The following NOL10 variants were observed in gnomAD, a reference collection of about 807,000 sequenced individuals.
NOL10 encodes the protein nucleolar protein 10.
A neutral mutation model predicts 103.5 loss-of-function variants in NOL10; 58 were observed. The ratio of observed to expected loss-of-function variants is 0.56; its 90% CI spans 0.45 to 0.70. The LOEUF (loss-of-function observed/expected upper bound fraction) is 0.70, where lower values mean the gene tolerates loss of function less well. Among genes scored for constraint, NOL10 ranks in the 30% least tolerant of loss-of-function variants. NOL10 has a pLI of 0.00. For synonymous variants in NOL10, 287 were observed against 282.5 expected, an observed-to-expected ratio of 1.02 and a Z score of -0.16; for missense variants, 763 against 807.3, an observed-to-expected ratio of 0.95 and a Z score of 0.67.
At chr2:10,653,366 C>T (rs1050018165) in intron 12 of NOL10, among the ~76,000 whole-genome samples, 1 of 152,110 alleles carries the variant, frequency 6.6e-6, no homozygotes, top group Non-Finnish European at 1.5e-5. Flanking sequence ...AATCCTCACA[C>T]GTTAGAAAAA....
chr2:10,686,755 C>A (rs776082358), intron 1 of NOL10, among the ~76,000 whole-genome samples: 1 of 151,866 alleles, frequency 6.6e-6, no homozygotes, highest in African/African-American at 2.4e-5. Context: ...GAAACAACAA[C>A]AAAAAGCCTC....
At chr2:10,682,523 C>A (rs910465179) in intron 2 of NOL10, among the ~76,000 whole-genome samples, 2 of 151,668 alleles carry the variant, frequency 1.3e-5, no homozygotes, top group Non-Finnish European at 2.9e-5. Flanking sequence ...CCTCAGCCCC[C>A]CCAAATAGCT....
At chr2:10,596,772 T>G (rs1277346233) in intron 17 of NOL10, among the ~76,000 whole-genome samples, 1 of 151,938 alleles carries the variant, frequency 6.6e-6, no homozygotes, top group African/African-American at 2.4e-5. Context: ...AAAAGTACAT[T>G]CATCAGAGAC....
intron 6 of NOL10, among the ~76,000 whole-genome samples, chr2:10,669,400 T>A (rs1190943136): frequency 6.7e-6 from 1 of 149,626 alleles, no homozygotes; most frequent in Non-Finnish European, 1.5e-5. Flanking sequence ...GAATTTTTTC[T>A]TTTCTATATT....
chr2:10,645,274 T>C (rs1330885236), intron 12 of NOL10, among the ~76,000 whole-genome samples: 1 of 152,138 alleles, frequency 6.6e-6, no homozygotes, highest in Non-Finnish European at 1.5e-5. Context: ...TAAATAAGAA[T>C]TCATTTTAAA....
chr2:10,658,850 G>A (rs1453508074), intron 10 of NOL10, among the ~76,000 whole-genome samples: 1 of 152,184 alleles, frequency 6.6e-6, no homozygotes, highest in Non-Finnish European at 1.5e-5. Flanking sequence ...GGCCAAGGGT[G>A]GGGGGATCGC....
chr2:10,641,063 G>A (rs1678667128), intron 13 of NOL10, among the ~76,000 whole-genome samples: 1 of 151,476 alleles, frequency 6.6e-6, no homozygotes, highest in South Asian at 2.1e-4. Flanking sequence ...GCTCATGCCT[G>A]TAATCCCAGC....
chr2:10,619,347 T>A (rs1677002251), intron 13 of NOL10, among the ~76,000 whole-genome samples: 1 of 152,022 alleles, frequency 6.6e-6, no homozygotes, highest in South Asian at 2.1e-4. Context: ...AGAGACGGGG[T>A]CTCACTATGT....
chr2:10,592,263 AC>A (rs1215526800), intron 17 of NOL10, among the ~76,000 whole-genome samples: 1 of 152,230 alleles, frequency 6.6e-6, no homozygotes, highest in African/African-American at 2.4e-5. Context: ...AGAATTAAAA[AC>A]AGGGTTAGAA....
chr2:10,643,188 T>C (rs1050113952), intron 13 of NOL10, among the ~76,000 whole-genome samples: 1 of 152,218 alleles, frequency 6.6e-6, no homozygotes, highest in African/African-American at 2.4e-5. Context: ...GAAATATCTC[T>C]AAGTGCTTTC....
intron 13 of NOL10, among the ~76,000 whole-genome samples, chr2:10,614,230 G>A (rs754032829): frequency 8.5e-5 from 13 of 152,136 alleles, no homozygotes; most frequent in Middle Eastern, 3.2e-3. Flanking sequence ...AAAGTGCTGG[G>A]ATTATAGACA....
chr2:10,652,886 G>A (rs568642678), intron 12 of NOL10, among the ~76,000 whole-genome samples: 17 of 152,216 alleles, frequency 1.1e-4, no homozygotes, highest in African/African-American at 3.4e-4. Flanking sequence ...AGAATCCACC[G>A]GGAAGTGTGT....
chr2:10,682,004 C>G lies in NOL10; in HGVS notation c.178G>C (p.Val60Leu). ...AAAATGTACTGTCCATCTTTTGACA[C>G]CTTAATAGTGGTACACACAGTAGGC... ...EMPTVCTTIK[V>L]SKDGQYILAT... The change falls in exon 3 of 21, where the codon GTG (valine) becomes CTG (leucine). Residue 60 changes from valine (V) to leucine (L), a missense_variant. By Grantham distance (32) the Val-to-Leu change is conservative. Transcript: ENST00000381685. 6.6e-7 allele frequency: 1 copy of G among 1,515,986 alleles called. No homozygotes were observed. Among genetic ancestry groups the G allele is most frequent in the South Asian group, 1.4e-5 (1 of 72,248 alleles). The allele number at this position is 1,515,986 out of a possible 1,614,324, so 93.9% of individuals were successfully genotyped here. A position where few individuals can be genotyped will look rare whatever the true frequency, so the allele number is the denominator to read the frequency against.
chr2:10,580,911 G>A (rs1007168351), intron 19 of NOL10, among the ~76,000 whole-genome samples: 2 of 152,044 alleles, frequency 1.3e-5, no homozygotes, highest in African/African-American at 4.8e-5. Flanking sequence ...TCACTCCATA[G>A]TCTACACCGG....
Position 10,657,692 on chromosome 2 carries a change from C to T in NOL10, c.906+50G>A, listed in dbSNP as rs73167887. On this transcript the variant is annotated intron_variant, in intron 11 of 20. Transcript: ENST00000381685. ...AGGAAAGGGAGAGGAAAGGATCATTCGGAACACCTGCAAATAAAGAAGCAA... is the reference window on the plus strand; with the variant it reads ...AGGAAAGGGAGAGGAAAGGATCATTTGGAACACCTGCAAATAAAGAAGCAA... 3,880 of 1,479,980 alleles carry T rather than the reference C, an allele frequency of 2.6e-3. 95 individuals are homozygous for T. The African/African-American group carries it at 0.048, about 18-fold the overall frequency. 91.7% of individuals were successfully genotyped at this position (1,479,980 alleles called of 1,614,324 possible).
At chr2:10,675,738 A>C in intron 4 of NOL10, 56 bp downstream of exon 4, 1 of 975,110 alleles carries the variant, frequency 1.0e-6, no homozygotes, top group South Asian at 1.5e-5. Context: ...TAAAACCAGA[A>C]AAGCAGACAA....
At chr2:10,655,002 G>A (rs1013957203) in intron 11 of NOL10, among the ~76,000 whole-genome samples, 1 of 152,044 alleles carries the variant, frequency 6.6e-6, no homozygotes, top group African/African-American at 2.4e-5. Flanking sequence ...TTGAGGTCAG[G>A]AGTTTAAGAC....
At chr2:10,573,762 G>A (rs1355825679) in intron 20 of NOL10, among the ~76,000 whole-genome samples, 1 of 151,198 alleles carries the variant, frequency 6.6e-6, no homozygotes, top group Non-Finnish European at 1.5e-5. Context: ...TTCTTCAACT[G>A]TCTTTTCAAA....
At chr2:10,685,182 A>G (rs998083378) in intron 1 of NOL10, among the ~76,000 whole-genome samples, 1 of 152,228 alleles carries the variant, frequency 6.6e-6, no homozygotes, top group Admixed American at 6.5e-5. Flanking sequence ...TCTTATAGAA[A>G]TATATTTTTT....
Sources: allele counts gnomAD v4.1 joint callset (sites outside exome capture counted in the v4.1 genomes callset), GRCh38; gene constraint gnomAD v4.1.1; transcripts MANE v1.5; gene names NCBI Gene and HGNC (gene_info 2026-07-23, HGNC 2026-07-21).